The following SLC29A2 variants were observed in gnomAD, a reference collection of about 807,000 sequenced individuals.
SLC29A2 encodes the protein equilibrative nucleoside transporter 2.
SLC29A2 carries 37 observed loss-of-function variants against 48.8 expected under a neutral mutation model. The observed-to-expected ratio is 0.76, with a 90% CI of 0.58 to 1.00. SLC29A2 has a LOEUF of 1.00. Ranked by LOEUF, SLC29A2 falls within the 50% of genes least tolerant of loss-of-function variation. The pLI, the probability that SLC29A2 is intolerant of heterozygous loss-of-function variation, is 0.00. For missense variants in SLC29A2, 533 were observed against 578.6 expected, an observed-to-expected ratio of 0.92 and a Z score of 0.81; for synonymous variants, 233 against 261.7, an observed-to-expected ratio of 0.89 and a Z score of 1.06.
upstream of SLC29A2, chr11:66,372,204 A>G (rs1295190024): frequency 6.6e-6 from 1 of 152,296 alleles, no homozygotes; most frequent in South Asian, 2.1e-4. Context: ...CGGGGGAACC[A>G]GAGCTGCCAC....
At position 66,366,456 on chromosome 11, in the gene SLC29A2, G is replaced by C; in HGVS notation, c.842C>G (p.Pro281Arg). ...EPDEPQKPGK[P>R]SVFTVFQKIW... is the part of the protein sequence containing the mutation. ...CTTCTGGAAGACAGTGAAGACTGAA[G>C]GTTTTCCTGGCTTCTGGGGCTCATC... Residue 281 changes from proline to arginine, a missense_variant, in exon 8 of 12, where the codon CCT becomes CGT. Pro to Arg is a moderately radical substitution (Grantham distance 103). Transcript: ENST00000357440. 1 of 1,614,230 alleles carries C rather than the reference G, an allele frequency of 6.2e-7. No individual in the cohort carries two copies.
In SLC29A2 at chr11:66,364,225, C is replaced by T. The variant is rs760858699; in HGVS notation, c.1259G>A (p.Arg420Lys). ...CCCACCCCACCCCATTGCCCCGGAC[C>T]TGGGCGCCAGGCACATGGTGAGGGA... ...LVSLTMCLAPRQVLPHEREVA... is the reference protein window; with the variant it reads ...LVSLTMCLAPKQVLPHEREVA... Residue 420 changes from arginine to lysine, a missense_variant and splice_region_variant, in exon 11 of 12, where the codon AGG becomes AAG. Physicochemically the swap from Arg to Lys is conservative, Grantham distance 26. Coordinates refer to ENST00000357440, the MANE Select transcript of SLC29A2 (RefSeq NM_001532.3). The T allele has an allele frequency of 1.9e-6, 3 of 1,606,944 alleles. No individual in the cohort carries two copies. The highest frequency in any genetic ancestry group is 2.2e-5 in the South Asian group (2 of 89,768).
At chr11:66,367,596 G>A (rs773488955) in intron 6 of SLC29A2, 48 bp from the exon 7 acceptor site, 23 of 1,587,210 alleles carry the variant, frequency 1.4e-5, no homozygotes, top group Non-Finnish European at 1.9e-5. Context: ...TGCCTGAGGT[G>A]TCTGGATCCC....
chr11:66,371,584 C>T lies in SLC29A2; in HGVS notation c.8G>A (p.Arg3Gln), dbSNP rs372428410. The T allele has an allele frequency of 1.3e-6, 2 of 1,549,478 alleles. No individual in the cohort carries two copies. Among genetic ancestry groups the T allele is most frequent in the South Asian group, 1.2e-5 (1 of 84,336 alleles). ...TCACCTGTCCCGCGGGGCGTCTCCT[C>T]GCGCCATGGCCGCCGCGGCGGATGC... is the stretch of plus-strand genomic sequence containing the variant. The part of the protein sequence containing the change: MA[R>Q]GDAPRDSYHL... The change falls in exon 1 of 12, where the codon CGA (arginine) becomes CAA (glutamine). Residue 3 changes from arginine to glutamine, a missense_variant. Arg to Gln is a conservative substitution (Grantham distance 43). Transcript: ENST00000357440.
Position 66,363,186 on chromosome 11 carries a change from C to A in SLC29A2, c.*250G>T. On this transcript the variant is annotated 3_prime_UTR_variant, in exon 12 of 12. Transcript: ENST00000357440. ...CCTGCACCCTCTTTTCCCTAGTCAT[C>A]ACCCTTTCCATGAGGTCTTGTGCGA... 1.9e-6 allele frequency: 1 copy of A among 522,244 alleles called. No individual in the cohort carries two copies. The highest frequency in any genetic ancestry group is 3.5e-6 in the Non-Finnish European group (1 of 286,144). The allele number at this position is 522,244 out of a possible 1,614,324, so 32.4% of individuals were successfully genotyped here.
rs1345938331 is a variant in SLC29A2 at position 66,363,146 on chromosome 11, G to A, written c.*290C>T. ...GATGAACAAATGCAGACCTGGTGGT[G>A]GGGAGCAGCCGTGCCCTGCACCCTC... On this transcript the variant is annotated 3_prime_UTR_variant, in exon 12 of 12. Transcript: ENST00000357440. 9 of 426,138 alleles carry A rather than the reference G, an allele frequency of 2.1e-5. No individual in the cohort carries two copies. Among genetic ancestry groups the A allele is most frequent in the Non-Finnish European group, 4.0e-5 (9 of 226,326 alleles). 26.4% of individuals were successfully genotyped at this position (426,138 alleles called of 1,614,324 possible). A position where few individuals can be genotyped will look rare whatever the true frequency, so the allele number is the denominator to read the frequency against.
chr11:66,371,134 G>T (rs996639803), intron 2 of SLC29A2, 110 bp downstream of exon 2: 5 of 921,354 alleles, frequency 5.4e-6, no homozygotes, highest in Middle Eastern at 2.6e-4. Context: ...TGAGCTCAAC[G>T]AGGGGTCACA....
chr11:66,369,517 G>C lies in SLC29A2; in HGVS notation c.127C>G (p.Leu43Val). 6.2e-7 allele frequency: 1 copy of C among 1,613,880 alleles called. No homozygotes were observed. Among genetic ancestry groups the C allele is most frequent in the Admixed American group, 1.7e-5 (1 of 60,024 alleles). The change falls in exon 3 of 12, where the codon CTG becomes GTG. Residue 43 changes from leucine (L) to valine (V), a missense_variant. Physicochemically the swap from Leu to Val is conservative, Grantham distance 32. Transcript: ENST00000357440. ...GCTGTGCTGTTGCCGGCCCCGGCCA[G>C]TCGCGCCTGGAAGTACTGCCAGGTG... ...ITAIPYFQAR[L>V]AGAGNSTARI...
chr11:66,364,110 G>T, intron 11 of SLC29A2, 115 bp downstream of exon 11: 2 of 882,660 alleles, frequency 2.3e-6, no homozygotes. Context: ...CAGACAGCTA[G>T]GGTTGGGCTG....
chr11:66,367,143 A>T (rs976260715), intron 7 of SLC29A2, among the ~76,000 whole-genome samples: 3 of 152,160 alleles, frequency 2.0e-5, no homozygotes, highest in African/African-American at 7.2e-5. Flanking sequence ...TGAGGTTCAG[A>T]GGGGTGCAGT....
intron 3 of SLC29A2, 36 bp downstream of exon 3, chr11:66,369,333 C>G (rs764315267): frequency 6.2e-7 from 1 of 1,613,032 alleles, no homozygotes; most frequent in Non-Finnish European, 8.5e-7. Context: ...GAAGCTGCCT[C>G]GGCAGAGGGC....
intron 4 of SLC29A2, 76 bp downstream of exon 4, chr11:66,368,984 A>T: frequency 6.6e-7 from 1 of 1,517,032 alleles, no homozygotes; most frequent in South Asian, 1.2e-5. Flanking sequence ...CTTCTCGGAT[A>T]TGCTGGGCCC....
chr11:66,371,458 G>T, intron 1 of SLC29A2, 105 bp downstream of exon 1: 2 of 1,501,200 alleles, frequency 1.3e-6, no homozygotes, highest in Non-Finnish European at 1.8e-6. Context: ...GGAGTCGGCT[G>T]ATGGGAATTG....
rs957634128 is a variant in SLC29A2 at position 66,371,559 on chromosome 11, T to C, written c.29+4A>G. ...CCACTTGCAACGCACCCGGGCCCAC[T>C]CACCTGTCCCGCGGGGCGTCTCCTC... is the stretch of plus-strand genomic sequence containing the variant. On this transcript the variant is annotated splice_donor_region_variant and intron_variant, in intron 1 of 11. Coordinates refer to ENST00000357440, the MANE Select transcript of SLC29A2 (RefSeq NM_001532.3). 36 of 1,550,448 alleles carry C rather than the reference T, an allele frequency of 2.3e-5. No homozygotes were observed. Among genetic ancestry groups the C allele is most frequent in the Non-Finnish European group, 2.8e-5 (32 of 1,148,070 alleles).
At chr11:66,366,082 C>T (rs951045287) in intron 9 of SLC29A2, 44 bp downstream of exon 9, 7 of 1,607,730 alleles carry the variant, frequency 4.4e-6, no homozygotes, top group Non-Finnish European at 6.0e-6. Flanking sequence ...GTCCTCTCCC[C>T]TTTGTACCCC....
At chr11:66,371,926 AG>A, upstream of SLC29A2, 1 of 412,134 alleles carries the variant, frequency 2.4e-6, no homozygotes, top group Non-Finnish European at 4.4e-6. Flanking sequence ...CCCTCCCCGC[AG>A]CCCCCCGTCC....
rs747922084 is a variant in SLC29A2 at position 66,363,431 on chromosome 11, C to G, written c.*5G>C. Reference sequence around the variant, plus strand: ...GAGGCTGCCAAAGAGCCTGGAGGGGCCACTTCAGAGCAGCGCCTTGAAGAG... The same window carrying G: ...GAGGCTGCCAAAGAGCCTGGAGGGGGCACTTCAGAGCAGCGCCTTGAAGAG... On this transcript the variant is annotated 3_prime_UTR_variant, in exon 12 of 12. Coordinates refer to ENST00000357440, the MANE Select transcript of SLC29A2 (RefSeq NM_001532.3). 4 of 1,604,116 alleles carry G rather than the reference C, an allele frequency of 2.5e-6. No individual in the cohort carries two copies. Among genetic ancestry groups the G allele is most frequent in the African/African-American group, 2.7e-5 (2 of 74,748 alleles).
chr11:66,364,130 A>G, intron 11 of SLC29A2, 95 bp downstream of exon 11: 2 of 1,055,768 alleles, frequency 1.9e-6, no homozygotes, highest in Non-Finnish European at 2.8e-6. Context: ...GGCCAGAAGC[A>G]GGATGGGCCG....
rs8187659 is a variant in SLC29A2, at chr11:66,364,251, C to T, written c.1233G>A (p.Val411=). The stretch of plus-strand genomic sequence containing the variant: ...TGGGCGCCAGGCACATGGTGAGGGA[C>T]ACCAGGTAGCCATTAGAAACGGCAA... ...LLFAVSNGYL[V]SLTMCLAPRQ... is the part of the protein sequence containing the mutation. Residue 411 remains valine (V), a synonymous_variant, in exon 11 of 12, where the codon GTG becomes GTA. Coordinates refer to ENST00000357440, the MANE Select transcript of SLC29A2 (RefSeq NM_001532.3). 2.0e-4 allele frequency: 329 copies of T among 1,613,038 alleles called. 1 individual carries two copies. In the African/African-American group the frequency reaches 3.9e-3, roughly 19 times the overall value.
Sources: gnomAD v4.1 joint callset for allele counts (sites outside exome capture counted in the v4.1 genomes callset) on GRCh38, gnomAD v4.1.1 for gene constraint, MANE v1.5 for transcripts, NCBI Gene and HGNC (gene_info 2026-07-23, HGNC 2026-07-21) for gene names.